The following GCH1 variants were observed in gnomAD, a reference collection of about 807,000 sequenced individuals.
GCH1 encodes the protein GTP cyclohydrolase I.
GCH1 carries 5 observed loss-of-function variants against 25.9 expected under a neutral mutation model. The observed-to-expected ratio is 0.19, with a 90% CI of 0.10 to 0.41. The LOEUF (loss-of-function observed/expected upper bound fraction) is 0.41. Ranked by LOEUF, GCH1 falls within the 10% of genes least tolerant of loss-of-function variation. The pLI is 1.00. For synonymous variants in GCH1, 159 were observed against 129.6 expected (o/e 1.23, Z -1.54); for missense variants, 261 against 336.5 (o/e 0.78, Z 1.75).
rs114876991 is a variant in GCH1 at position 54,893,256 on chromosome 14, A to G, written c.343+9065T>C. ...CTCTAGCAAATTTATAACCATGGGA[A>G]ACATATTTGTTTGCATAACCTGGAA... On this transcript the variant is annotated intron_variant, in intron 1 of 5. Transcript: ENST00000491895. 9.4e-3 allele frequency among the ~76,000 whole-genome samples: 1,436 copies of G among 152,332 alleles called. 28 individuals are homozygous for G. The highest frequency in any genetic ancestry group is 0.032 in the African/African-American group (1,350 of 41,568).
At chr14:54,867,300 G>C (rs922567035) in intron 1 of GCH1, among the ~76,000 whole-genome samples, 4 of 152,052 alleles carry the variant, frequency 2.6e-5, no homozygotes, top group African/African-American at 9.7e-5. Context: ...TGAAGAGCTG[G>C]CTCCAGGCTG....
chr14:54,885,898 A>G, intron 1 of GCH1: 1 of 186,756 alleles, frequency 5.4e-6, no homozygotes, highest in Non-Finnish European at 1.1e-5. Flanking sequence ...CAAAAAACAA[A>G]CAACAACAAC....
chr14:54,889,551 GA>G (rs2040398217), intron 1 of GCH1, among the ~76,000 whole-genome samples: 1 of 152,156 alleles, frequency 6.6e-6, no homozygotes, highest in Non-Finnish European at 1.5e-5. Context: ...ACTGGACCTC[GA>G]AAAATTCACC....
chr14:54,860,007 C>T (rs964460394), intron 2 of GCH1, among the ~76,000 whole-genome samples: 5 of 152,022 alleles, frequency 3.3e-5, no homozygotes, highest in African/African-American at 9.7e-5. Flanking sequence ...TTGGTAAATG[C>T]GGGAGATTGC....
Position 54,870,335 on chromosome 14 carries a change from C to CAAAAAAAAAAAAAAA in GCH1, c.344-4914_344-4900dup, listed in dbSNP as rs561453897. Among the ~76,000 whole-genome samples, 2 of 66,606 alleles carry CAAAAAAAAAAAAAAA rather than the reference C, an allele frequency of 3.0e-5. 1 individual carries two copies. The highest frequency in any genetic ancestry group is 5.3e-5 in the Non-Finnish European group (2 of 37,630). The allele number at this position is 66,606 out of a possible 152,430, so 43.7% of individuals were successfully genotyped here. A position where few individuals can be genotyped will look rare whatever the true frequency, so the allele number is the denominator to read the frequency against. On this transcript the variant is annotated intron_variant, in intron 1 of 5. Coordinates refer to ENST00000491895, the MANE Select transcript of GCH1 (RefSeq NM_000161.3). Reference sequence around the variant, plus strand: ...CAACCTAGCCAGACTCTGTTTTTACCAAAAAAAAAAAAAAAAAAAAAAAAA... The same window carrying CAAAAAAAAAAAAAAA: ...CAACCTAGCCAGACTCTGTTTTTACCAAAAAAAAAAAAAAAAAAAAAAAAAAAAAAAAAAAAAAAA...
chr14:54,853,552 C>T (rs10129528), intron 3 of GCH1, among the ~76,000 whole-genome samples: 9,414 of 152,226 alleles, frequency 0.062, 1,015 homozygotes, highest in African/African-American at 0.22. Context: ...TCTTGATACG[C>T]TGTGCCAAGA....
At chr14:54,888,679 A>AT (rs58982226) in intron 1 of GCH1, among the ~76,000 whole-genome samples, 25,582 of 138,306 alleles carry the variant, frequency 0.18, 2,638 homozygotes, top group East Asian at 0.49. Flanking sequence ...CGCCCGGCTA[A>AT]TTTTTTTTTT....
Position 54,843,200 on chromosome 14 carries a change from G to A in GCH1, c.*817C>T. 1.4e-6 allele frequency: 2 copies of A among 1,448,800 alleles called. No homozygotes were observed. The highest frequency in any genetic ancestry group is 1.8e-6 in the Non-Finnish European group (2 of 1,105,502). The allele number at this position is 1,448,800 out of a possible 1,614,324, so 89.7% of individuals were successfully genotyped here. On this transcript the variant is annotated 3_prime_UTR_variant, in exon 6 of 6. Transcript: ENST00000491895. ...TCAATAAACCTATAAAGTTAAAACT[G>A]AGCTGACTAGTTATTTGCAGTGTGA...
intron 2 of GCH1, among the ~76,000 whole-genome samples, chr14:54,865,069 G>A (rs541763431): frequency 3.3e-5 from 5 of 151,166 alleles, no homozygotes; most frequent in Admixed American, 3.3e-4. Context: ...AGAGAGAGAT[G>A]CTACTTAAAC....
At chr14:54,881,995 T>C (rs1440484289) in intron 1 of GCH1, among the ~76,000 whole-genome samples, 1 of 152,238 alleles carries the variant, frequency 6.6e-6, no homozygotes, top group African/African-American at 2.4e-5. Context: ...TTTTCACGTA[T>C]AAAGTTATCT....
chr14:54,869,769 C>T (rs1274721591), intron 1 of GCH1, among the ~76,000 whole-genome samples: 1 of 152,182 alleles, frequency 6.6e-6, no homozygotes, highest in Non-Finnish European at 1.5e-5. Flanking sequence ...CGTGAGCCAC[C>T]GTGCCTGGCC....
At chr14:54,858,106 A>G (rs942710353) in intron 3 of GCH1, among the ~76,000 whole-genome samples, 8 of 151,260 alleles carry the variant, frequency 5.3e-5, no homozygotes, top group African/African-American at 1.7e-4. Flanking sequence ...GAACAACTTT[A>G]GAGGGCAGTT....
In GCH1 at chr14:54,879,802, T is replaced by C. The variant is rs562423044; in HGVS notation, c.344-14366A>G. On this transcript the variant is annotated intron_variant, in intron 1 of 5. Coordinates refer to ENST00000491895, the MANE Select transcript of GCH1 (RefSeq NM_000161.3). The stretch of plus-strand genomic sequence containing the variant: ...GAGTACAAGACCAGCCTGGCTAACA[T>C]GGTGAAACCCCATCTCTACTAAAAA... Among the ~76,000 whole-genome samples, 4 of 152,072 alleles carry C rather than the reference T, an allele frequency of 2.6e-5. No homozygotes were observed. The East Asian group carries it at 7.7e-4, about 29-fold the overall frequency.
intron 3 of GCH1, among the ~76,000 whole-genome samples, chr14:54,854,906 C>T (rs1347531181): frequency 2.0e-5 from 3 of 152,194 alleles, no homozygotes; most frequent in African/African-American, 7.2e-5. Context: ...AGAGTATAAA[C>T]TGGCATGGTC....
Position 54,902,268 on chromosome 14 carries a change from G to C in GCH1, c.343+53C>G, listed in dbSNP as rs2183080. 0.1 allele frequency: 165,545 copies of C among 1,585,432 alleles called. 9,479 individuals carry two copies. Among genetic ancestry groups the C allele is most frequent in the South Asian group, 0.16 (14,280 of 89,542 alleles). ...TTCCTGGAGCCGGCGCGCGTTTCCT[G>C]CAAGCACCGCCCCCGCCGCCCGCAC... On this transcript the variant is annotated intron_variant, in intron 1 of 5. Transcript: ENST00000491895.
At chr14:54,872,524 A>C (rs1266516118) in intron 1 of GCH1, among the ~76,000 whole-genome samples, 1 of 152,220 alleles carries the variant, frequency 6.6e-6, no homozygotes, top group African/African-American at 2.4e-5. Flanking sequence ...AAATGGGCTA[A>C]ATGCTCCAAT....
intron 1 of GCH1, among the ~76,000 whole-genome samples, chr14:54,867,829 T>C (rs1426328903): frequency 1.3e-5 from 2 of 152,188 alleles, no homozygotes; most frequent in Non-Finnish European, 2.9e-5. Flanking sequence ...TGCAAAGCTA[T>C]GTATCTCCCA....
At chr14:54,871,837 T>C (rs867117106) in intron 1 of GCH1, among the ~76,000 whole-genome samples, 2 of 152,156 alleles carry the variant, frequency 1.3e-5, no homozygotes, top group South Asian at 2.1e-4. Flanking sequence ...CCAAGAAATA[T>C]GGGACTATGT....
intron 1 of GCH1, among the ~76,000 whole-genome samples, chr14:54,902,093 C>T (rs1490374228): frequency 6.6e-6 from 1 of 152,120 alleles, no homozygotes; most frequent in Non-Finnish European, 1.5e-5. Context: ...TGGAAGGCGG[C>T]TGCAGCGAGT....
Sources: gnomAD v4.1 joint callset for allele counts (sites outside exome capture counted in the v4.1 genomes callset) on GRCh38, gnomAD v4.1.1 for gene constraint, MANE v1.5 for transcripts, NCBI Gene and HGNC (gene_info 2026-07-23, HGNC 2026-07-21) for gene names.